PLCB3: variants seen among roughly 807,000 people sequenced by gnomAD.
PLCB3 encodes phospholipase C beta 3.
In PLCB3, 54 loss-of-function variants were observed where a neutral mutation model predicts 152.1. That is an observed-to-expected ratio of 0.36 (90% CI 0.29 to 0.45). PLCB3 has a LOEUF of 0.45. PLCB3 is among the 20% of genes least tolerant of loss of function. PLCB3 has a pLI of 1.00. For synonymous variants in PLCB3, 717 were observed against 698.7 expected, an observed-to-expected ratio of 1.03 and a Z score of -0.41; for missense variants, 1,248 against 1,687.5, an observed-to-expected ratio of 0.74 and a Z score of 4.56.
In PLCB3 at chr11:64,260,021, C is replaced by T. The variant is rs1448198990; in HGVS notation, c.1526-8C>T. On this transcript the variant is annotated splice_polypyrimidine_tract_variant and splice_region_variant and intron_variant, in intron 13 of 30. Coordinates refer to ENST00000279230, the MANE Select transcript of PLCB3 (RefSeq NM_000932.5). ...TGACCCCTCACCCTGTGGCCCTGTC[C>T]TCTGCAGGGTCTCCCAGCTCTGACA... 6.2e-7 allele frequency: 1 copy of T among 1,609,268 alleles called. No homozygotes were observed. Among genetic ancestry groups the T allele is most frequent in the Non-Finnish European group, 8.5e-7 (1 of 1,178,548 alleles).
rs185297302 is a variant in PLCB3 at position 64,256,817 on chromosome 11, C to G, written c.1012+53C>G. Reference sequence around the variant, plus strand: ...TGACCTCTGCCCTGTGACCCTTGCACAGCCCCACTCCTCCTGGGGCACAGT... The same window carrying G: ...TGACCTCTGCCCTGTGACCCTTGCAGAGCCCCACTCCTCCTGGGGCACAGT... On this transcript the variant is annotated intron_variant, in intron 10 of 30. Coordinates refer to ENST00000279230, the MANE Select transcript of PLCB3 (RefSeq NM_000932.5). 2.3e-4 allele frequency: 365 copies of G among 1,570,044 alleles called. 2 individuals are homozygous for G. The African/African-American group carries it at 4.4e-3, about 19-fold the overall frequency.
intron 19 of PLCB3, 131 bp from the exon 20 acceptor site, chr11:64,263,367 G>A: frequency 1.6e-6 from 1 of 622,702 alleles, no homozygotes; most frequent in East Asian, 2.8e-5. Flanking sequence ...TGGCAATGGT[G>A]ACTGATGGTC....
rs143518317 is a variant in PLCB3 at position 64,259,741 on chromosome 11, G to T, written c.1526-288G>T. On this transcript the variant is annotated intron_variant, in intron 13 of 30. Coordinates refer to ENST00000279230, the MANE Select transcript of PLCB3 (RefSeq NM_000932.5). ...TGTCATCCCTTACCCCGCTATTAGG[G>T]CTGTGGTATGCTACTTCCTGACTTC... is the stretch of plus-strand genomic sequence containing the variant. Among the ~76,000 whole-genome samples, 926 of 152,152 alleles carry T rather than the reference G, an allele frequency of 6.1e-3. 8 individuals carry two copies. Among genetic ancestry groups the T allele is most frequent in the Admixed American group, 9.4e-3 (143 of 15,290 alleles).
intron 1 of PLCB3, 95 bp downstream of exon 1, chr11:64,251,843 C>CGTGGCGCCACCCTCATCCCAGTCTG (rs2031221439): frequency 1.5e-6 from 1 of 653,708 alleles, no homozygotes; most frequent in African/African-American, 1.9e-5. Context: ...CTCGCCTGCC[C>CGTGGCGCCACCCTCATCCCAGTCTG]GTGGCGCCAC....
At position 64,258,950 on chromosome 11, in the gene PLCB3, A is replaced by T. The variant is rs1465082903; in HGVS notation, c.1319A>T (p.Glu440Val). ...RSIFGDALLI[E>V]PLDKYPLAPG... is the part of the protein sequence containing the mutation. ...ATCTTTGGAGACGCGCTACTCATCG[A>T]GCCTCTGGACAAGTACCCGGTACGG... Residue 440 changes from glutamate to valine, a missense_variant, in exon 12 of 31, where the codon GAG becomes GTG. By Grantham distance (121) the Glu-to-Val change is moderately radical. This residue lies in a region of PLCB3 where 122 missense variants were observed against 221.8 expected (regional missense o/e 0.55). Coordinates refer to ENST00000279230, the MANE Select transcript of PLCB3 (RefSeq NM_000932.5). The surrounding 1 kb of genome is among the most constrained non-coding windows in gnomAD (Gnocchi z 7.2). 1 of 1,613,944 alleles carries T rather than the reference A, an allele frequency of 6.2e-7. No homozygotes were observed. The highest frequency in any genetic ancestry group is 8.5e-7 in the Non-Finnish European group (1 of 1,179,968).
chr11:64,265,652 G>A, intron 25 of PLCB3, 150 bp downstream of exon 25: 1 of 1,343,464 alleles, frequency 7.4e-7, no homozygotes, highest in Middle Eastern at 2.7e-4. Flanking sequence ...TCCACACCAG[G>A]CGTCCCTGTG....
rs536607472 is a variant in PLCB3, at chr11:64,253,547, T to G, written c.100-868T>G. ...CACCCAACATGAGGTGGGGTCCTTT[T>G]CTGTCTGGAAGAACCTGGAATAGGA... On this transcript the variant is annotated intron_variant, in intron 1 of 30. Coordinates refer to ENST00000279230, the MANE Select transcript of PLCB3 (RefSeq NM_000932.5). Among the ~76,000 whole-genome samples, 65 of 152,338 alleles carry G rather than the reference T, an allele frequency of 4.3e-4. 1 individual carries two copies. In the South Asian group the frequency reaches 0.013, roughly 31 times the overall value.
At position 64,262,731 on chromosome 11, in the gene PLCB3, C is replaced by T. The variant is rs201470515; in HGVS notation, c.2278C>T (p.Arg760Cys). 5.5e-5 allele frequency: 88 copies of T among 1,613,820 alleles called. No individual in the cohort carries two copies. In the South Asian group the frequency reaches 7.4e-4, roughly 13 times the overall value. Residue 760 changes from arginine to cysteine, a missense_variant, in exon 19 of 31, where the codon CGC (arginine) becomes TGC (cysteine). By Grantham distance (180) the Arg-to-Cys change is radical. Transcript: ENST00000279230. ...GTTTGGCCTCCCTGTTGATACGCGGCGCAAGTACCGCACCCGGACCTCTCA... is the reference window on the plus strand; with the variant it reads ...GTTTGGCCTCCCTGTTGATACGCGGTGCAAGTACCGCACCCGGACCTCTCA... ...DMFGLPVDTR[R>C]KYRTRTSQGN...
In PLCB3 at chr11:64,254,966, G is replaced by A. The variant is rs746158762; in HGVS notation, c.315G>A (p.Thr105=). 8.1e-6 allele frequency: 13 copies of A among 1,598,758 alleles called. No individual in the cohort carries two copies. Among genetic ancestry groups the A allele is most frequent in the South Asian group, 2.3e-5 (2 of 88,828 alleles). ...CCCGGCTGGAGGAGAAGCTGATGAC[G>A]GTGGTGTCTGGGCCAGACCCAGTGA... ...PDARLEEKLM[T]VVSGPDPVNT... Residue 105 remains threonine, a synonymous_variant, in exon 4 of 31, where the codon ACG becomes ACA. Coordinates refer to ENST00000279230, the MANE Select transcript of PLCB3 (RefSeq NM_000932.5).
chr11:64,260,361 G>A, intron 14 of PLCB3, 127 bp downstream of exon 14: 1 of 676,086 alleles, frequency 1.5e-6, no homozygotes, highest in South Asian at 1.7e-5. Context: ...GTGAGTGAAG[G>A]TGGGAGGAGG....
intron 1 of PLCB3, among the ~76,000 whole-genome samples, chr11:64,253,723 C>T (rs1463498515): frequency 6.6e-6 from 1 of 152,174 alleles, no homozygotes; most frequent in Non-Finnish European, 1.5e-5. Context: ...GGCTGGCATG[C>T]ACTTCCCTGC....
At position 64,255,474 on chromosome 11, in the gene PLCB3, T is replaced by C; in HGVS notation, c.521+25T>C. ...AGTGAGCACCCCTTCCCCCAGCACC[T>C]TCCTCCTGCCCTGACCTTGGTGACC... On this transcript the variant is annotated intron_variant, in intron 6 of 30. Coordinates refer to ENST00000279230, the MANE Select transcript of PLCB3 (RefSeq NM_000932.5). The surrounding 1 kb of genome is among the most constrained non-coding windows in gnomAD (Gnocchi z 6.8). The C allele has an allele frequency of 1.9e-6, 3 of 1,614,036 alleles. No individual in the cohort carries two copies. The highest frequency in any genetic ancestry group is 2.2e-5 in the South Asian group (2 of 91,080).
In PLCB3 at chr11:64,265,050, C is replaced by T. The variant is rs746669193; in HGVS notation, c.2752C>T (p.Arg918Cys). The change falls in exon 23 of 31, where the codon CGC becomes TGC. Residue 918 changes from arginine (R) to cysteine (C), a missense_variant. Physicochemically the swap from Arg to Cys is radical, Grantham distance 180. Around this residue, in one of 6 missense-constraint regions of PLCB3, gnomAD observed 477 missense variants for 489.6 expected, o/e 0.97. Coordinates refer to ENST00000279230, the MANE Select transcript of PLCB3 (RefSeq NM_000932.5). ...CCCCAGCCCACTGGATGCCTCCCCC[C>T]GCCGGCCCCCTGGCCCCACCACCTC... is the stretch of plus-strand genomic sequence containing the variant. ...PTPSPLDASPRRPPGPTTSPA... is the reference protein window; with the variant it reads ...PTPSPLDASPCRPPGPTTSPA... 14 of 1,539,064 alleles carry T rather than the reference C, an allele frequency of 9.1e-6. No individual in the cohort carries two copies. The highest frequency in any genetic ancestry group is 4.8e-5 in the East Asian group (2 of 41,908).
intron 14 of PLCB3, 133 bp downstream of exon 14, chr11:64,260,367 G>A: frequency 1.5e-6 from 1 of 664,836 alleles, no homozygotes; most frequent in Non-Finnish European, 2.6e-6. Context: ...GAAGGTGGGA[G>A]GAGGGCTCTT....
rs754183016 is a variant in PLCB3 at position 64,258,939 on chromosome 11, G to A, written c.1308G>A (p.Ala436=). The change falls in exon 12 of 31, where the codon GCG becomes GCA. Residue 436 remains alanine (A), a synonymous_variant. Transcript: ENST00000279230. The surrounding 1 kb of genome is among the most constrained non-coding windows in gnomAD (Gnocchi z 7.2). ...AEYCRSIFGD[A]LLIEPLDKYP... is the part of the protein sequence containing the mutation. ...ACTGCCGCTCCATCTTTGGAGACGC[G>A]CTACTCATCGAGCCTCTGGACAAGT... The A allele has an allele frequency of 1.1e-5, 18 of 1,613,734 alleles. No individual in the cohort carries two copies. The highest frequency in any genetic ancestry group is 9.3e-5 in the African/African-American group (7 of 74,890).
At chr11:64,252,702 G>T (rs563323646) in intron 1 of PLCB3, among the ~76,000 whole-genome samples, 2 of 152,160 alleles carry the variant, frequency 1.3e-5, no homozygotes, top group Non-Finnish European at 2.9e-5. Context: ...GGCCCCAGGG[G>T]CCGGGGGAGA....
chr11:64,266,296 C>T lies in PLCB3; in HGVS notation c.3267-19C>T, dbSNP rs923755883. 7 of 1,613,636 alleles carry T rather than the reference C, an allele frequency of 4.3e-6. No individual in the cohort carries two copies. The highest frequency in any genetic ancestry group is 5.9e-6 in the Non-Finnish European group (7 of 1,179,908). ...GCTTCTGCCGCTGACCCCTCCTCTT[C>T]CCCTGCCGGCTTCTCCAGGGAGAAG... On this transcript the variant is annotated intron_variant, in intron 27 of 30. Coordinates refer to ENST00000279230, the MANE Select transcript of PLCB3 (RefSeq NM_000932.5). This position sits in a 1 kb window ranked among gnomAD's most constrained non-coding sequence, Gnocchi z 4.9.
intron 1 of PLCB3, among the ~76,000 whole-genome samples, chr11:64,252,585 C>G (rs769244403): frequency 6.6e-6 from 1 of 152,236 alleles, no homozygotes; most frequent in Non-Finnish European, 1.5e-5. Context: ...CTGGAAGACT[C>G]TGGGCTCTTT....
Position 64,260,107 on chromosome 11 carries a change from A to G in PLCB3, c.1604A>G (p.Gln535Arg), listed in dbSNP as rs764117594. 1 of 1,612,424 alleles carries G rather than the reference A, an allele frequency of 6.2e-7. No homozygotes were observed. Among genetic ancestry groups the G allele is most frequent in the Non-Finnish European group, 8.5e-7 (1 of 1,179,482 alleles). Residue 535 changes from glutamine (Q) to arginine (R), a missense_variant, in exon 14 of 31, where the codon CAG becomes CGG. Transcript: ENST00000279230. ...VGLEKPSLEP[Q>R]KSLGDEGLNR... ...CTTGAGAAGCCCAGCCTGGAGCCTCAGAAGTCTCTGGGTGACGAGGGCCTG... is the reference window on the plus strand; with the variant it reads ...CTTGAGAAGCCCAGCCTGGAGCCTCGGAAGTCTCTGGGTGACGAGGGCCTG...
Sources: gnomAD v4.1 joint callset for allele counts (sites outside exome capture counted in the v4.1 genomes callset) on GRCh38, gnomAD v4.1.1 for gene constraint, gnomAD v4.1.1 regional missense constraint, Gnocchi (gnomAD v3.1) non-coding constraint, MANE v1.5 for transcripts, NCBI Gene and HGNC (gene_info 2026-07-23, HGNC 2026-07-21) for gene names.